KIF7: variants seen among roughly 807,000 people sequenced by gnomAD.
KIF7 encodes the protein kinesin family member 7, also known as kinesin-like protein KIF7.
In KIF7, 104 loss-of-function variants were observed where a neutral mutation model predicts 135.7. That is an observed-to-expected ratio of 0.77 (90% CI 0.65 to 0.90). The LOEUF is 0.90. Among genes scored for constraint, KIF7 ranks in the 40% least tolerant of loss-of-function variants. The probability of loss-of-function intolerance (pLI) is 0.00; values close to 1 mark genes in which losing one functional copy is unlikely to be tolerated. For synonymous variants in KIF7, 883 were observed against 809.4 expected, an observed-to-expected ratio of 1.09 and a Z score of -1.54; for missense variants, 2,005 against 1,839.1, an observed-to-expected ratio of 1.09 and a Z score of -1.65.
rs201341169 is a variant in KIF7 at position 89,633,727 on chromosome 15, G to A, written c.2551C>T (p.Arg851Cys). 4.8e-5 allele frequency: 77 copies of A among 1,608,396 alleles called. 1 individual carries two copies. Among genetic ancestry groups the A allele is most frequent in the Middle Eastern group, 3.5e-4 (2 of 5,778 alleles). Residue 851 changes from arginine (R) to cysteine (C), a missense_variant, in exon 12 of 19, where the codon CGC becomes TGC. Arg to Cys is a radical substitution (Grantham distance 180). Transcript: ENST00000394412. ...CGCTTGCTCATTTCTGCCTCCAGGC[G>A]CCGCTTCTGCTCCGTCTCCTCGCGA... is the stretch of plus-strand genomic sequence containing the variant. ...RLREETEQKR[R>C]LEAEMSKRQH... is the part of the protein sequence containing the mutation.
In KIF7 at chr15:89,630,626, C is replaced by A. The variant is rs4932238; in HGVS notation, c.3112-133G>T. 191 of 756,474 alleles carry A rather than the reference C, an allele frequency of 2.5e-4. 1 individual carries two copies. The East Asian group carries it at 3.9e-3, about 16-fold the overall frequency. 46.9% of individuals were successfully genotyped at this position (756,474 alleles called of 1,614,324 possible). ...CCCTCGTCCCAAGGGCCAAGTCAGC[C>A]CATCGAGAGAGGTGCCCCCTGCTCA... On this transcript the variant is annotated intron_variant, in intron 15 of 18. Transcript: ENST00000394412.
chr15:89,643,154 G>A (rs774310107), intron 10 of KIF7, among the ~76,000 whole-genome samples: 47 of 152,056 alleles, frequency 3.1e-4, no homozygotes, highest in Non-Finnish European at 6.5e-4. Context: ...AAATACAGTC[G>A]GCCCTCTGCA....
In KIF7 at chr15:89,649,852, G is replaced by A. The variant is rs756117745; in HGVS notation, c.418C>T (p.Leu140=). 1.3e-6 allele frequency: 2 copies of A among 1,551,834 alleles called. No individual in the cohort carries two copies. The highest frequency in any genetic ancestry group is 1.7e-6 in the Non-Finnish European group (2 of 1,147,020). ...ACTTCCAGGTAGGACACATGTACCA[G>A]ACAGTCAAGCAGGTCGTTCTCATCG... is the stretch of plus-strand genomic sequence containing the variant. The part of the protein sequence containing the change: ...LIDENDLLDC[L]VHVSYLEVYK... Residue 140 remains leucine, a synonymous_variant, in exon 3 of 19, where the codon CTG becomes TTG. Coordinates refer to ENST00000394412, the MANE Select transcript of KIF7 (RefSeq NM_198525.3).
rs1468997349 is a variant in KIF7, at chr15:89,629,179, AGGGCTGTGGGGGTGG to A, written c.3518-72_3518-58del. The A allele has an allele frequency of 1.6e-5, 15 of 938,918 alleles. No individual in the cohort carries two copies. The Admixed American group carries it at 1.7e-4, about 11-fold the overall frequency. 58.2% of individuals were successfully genotyped at this position (938,918 alleles called of 1,614,324 possible). On this transcript the variant is annotated intron_variant, in intron 17 of 18. Transcript: ENST00000394412. ...AGGGCTGCAGGCGGGGCAGGCGGCC[AGGGCTGTGGGGGTGG>A]GGGCTGTGGGCTGGGTGGGGGCCGG...
Position 89,645,387 on chromosome 15 carries a change from C to T in KIF7, c.1987G>A (p.Gly663Ser), listed in dbSNP as rs1412180728. 1 of 1,614,122 alleles carries T rather than the reference C, an allele frequency of 6.2e-7. No individual in the cohort carries two copies. The highest frequency in any genetic ancestry group is 8.5e-7 in the Non-Finnish European group (1 of 1,179,980). ...ARPGSLPERK[G>S]PELCLEELDA... ...AACTCCTCAAGGCAAAGCTCTGGGC[C>T]CTTCCTCTCTGGCAGACTCCCTGGG... The change falls in exon 9 of 19, where the codon GGC (glycine) becomes AGC (serine). Residue 663 changes from glycine (G) to serine (S), a missense_variant. By Grantham distance (56) the Gly-to-Ser change is moderately conservative. Transcript: ENST00000394412.
intron 1 of KIF7, chr15:89,621,512 A>G (rs912258568): frequency 4.3e-6 from 7 of 1,613,896 alleles, no homozygotes; most frequent in African/African-American, 4.0e-5. Flanking sequence ...AAAGCGTTCA[A>G]GAAACACTTT....
At position 89,648,517 on chromosome 15, in the gene KIF7, G is replaced by A; in HGVS notation, c.1181C>T (p.Pro394Leu). 3.7e-6 allele frequency: 4 copies of A among 1,089,108 alleles called. No individual in the cohort carries two copies. The highest frequency in any genetic ancestry group is 4.5e-6 in the Non-Finnish European group (4 of 895,662). 67.5% of individuals were successfully genotyped at this position (1,089,108 alleles called of 1,614,324 possible). A position where few individuals can be genotyped will look rare whatever the true frequency, so the allele number is the denominator to read the frequency against. ...GGCGGCCGCCGCGGAGGCGGTGGCTGGGCCTGGGGCGCGCCGGCCGCGGTG... is the reference window on the plus strand; with the variant it reads ...GGCGGCCGCCGCGGAGGCGGTGGCTAGGCCTGGGGCGCGCCGGCCGCGGTG... Reference protein sequence around the residue: ...IIHRGRRAPGPATASAAAAMR... With the variant: ...IIHRGRRAPGLATASAAAAMR... Residue 394 changes from proline to leucine, a missense_variant, in exon 5 of 19, where the codon CCA (proline) becomes CTA (leucine). Pro to Leu is a moderately conservative substitution (Grantham distance 98). Coordinates refer to ENST00000394412, the MANE Select transcript of KIF7 (RefSeq NM_198525.3).
At chr15:89,653,720 G>A (rs1281900011) in intron 1 of KIF7, among the ~76,000 whole-genome samples, 1 of 152,014 alleles carries the variant, frequency 6.6e-6, no homozygotes. Flanking sequence ...CGGGACCACA[G>A]ACATGTACCT....
chr15:89,621,384 G>A (rs1171250758), intron 1 of KIF7: 1 of 1,588,556 alleles, frequency 6.3e-7, no homozygotes, highest in East Asian at 2.2e-5. Context: ...TGCTGTTTTT[G>A]ACTTGCAGAC....
In KIF7 at chr15:89,649,219, C is replaced by T. The variant is rs1029167779; in HGVS notation, c.678G>A (p.Glu226=). The T allele has an allele frequency of 1.9e-5, 30 of 1,546,298 alleles. No homozygotes were observed. The highest frequency in any genetic ancestry group is 2.4e-5 in the Non-Finnish European group (27 of 1,145,390). Residue 226 remains glutamate (E), a synonymous_variant, in exon 4 of 19, where the codon GAG becomes GAA. Coordinates refer to ENST00000394412, the MANE Select transcript of KIF7 (RefSeq NM_198525.3). ...GGCGGCTGGGGGCGCGCCCCCGCTG[C>T]TCCAGGGTCACGGTGAAGACCGTGT... The part of the protein sequence containing the change: ...RSHTVFTVTL[E]QRGRAPSRLP...
Position 89,648,247 on chromosome 15 carries a change from T to A in KIF7, c.1443+8A>T. On this transcript the variant is annotated splice_region_variant and intron_variant, in intron 5 of 18. Coordinates refer to ENST00000394412, the MANE Select transcript of KIF7 (RefSeq NM_198525.3). The stretch of plus-strand genomic sequence containing the variant: ...CACAACCACAACCACAACCTGTCCC[T>A]CGGCCACCTTTCGCCCGCCGGCCCC... 1 of 1,510,518 alleles carries A rather than the reference T, an allele frequency of 6.6e-7. No homozygotes were observed. The highest frequency in any genetic ancestry group is 8.8e-7 in the Non-Finnish European group (1 of 1,131,158). 93.6% of individuals were successfully genotyped at this position (1,510,518 alleles called of 1,614,324 possible).
At chr15:89,626,996 T>A (rs1433773004), downstream of KIF7, 1 of 1,614,046 alleles carries the variant, frequency 6.2e-7, no homozygotes, top group Non-Finnish European at 8.5e-7. Context: ...TAGAAGACTC[T>A]CCTTTCAGTC....
At chr15:89,660,277 C>T (rs1964245225), upstream of KIF7, among the ~76,000 whole-genome samples, 1 of 152,238 alleles carries the variant, frequency 6.6e-6, no homozygotes, top group African/African-American at 2.4e-5. Context: ...TTACCCCCAT[C>T]CCTGGGATCT....
intron 11 of KIF7, among the ~76,000 whole-genome samples, chr15:89,634,334 C>T (rs1049748252): frequency 5.3e-5 from 8 of 152,208 alleles, no homozygotes; most frequent in African/African-American, 1.7e-4. Context: ...CCAAGATGGC[C>T]GAATAGGAAC....
At chr15:89,653,887 G>A (rs1964164888) in intron 1 of KIF7, among the ~76,000 whole-genome samples, 1 of 152,178 alleles carries the variant, frequency 6.6e-6, no homozygotes, top group East Asian at 1.9e-4. Flanking sequence ...CAGCCACTGC[G>A]CCTCAGAGGC....
rs1393720023 is a variant in KIF7 at position 89,621,832 on chromosome 15, T to C, written c.181-3637A>G. ...CTGTTTATATTATATACTGCACAGATACCTTTCTGGAGTGTGTGACACTCA... is the reference window on the plus strand; with the variant it reads ...CTGTTTATATTATATACTGCACAGACACCTTTCTGGAGTGTGTGACACTCA... On this transcript the variant is annotated intron_variant and NMD_transcript_variant, in intron 1 of 2. Transcript: ENST00000558928. 2.0e-5 allele frequency among the ~76,000 whole-genome samples: 3 copies of C among 152,140 alleles called. No individual in the cohort carries two copies. The East Asian group carries it at 5.8e-4, about 29-fold the overall frequency.
At chr15:89,660,058 C>T (rs537590233), upstream of KIF7, among the ~76,000 whole-genome samples, 63 of 152,210 alleles carry the variant, frequency 4.1e-4, no homozygotes, top group African/African-American at 1.4e-3. Flanking sequence ...TTTAGCCTGG[C>T]GTGGTGGCGA....
At position 89,631,624 on chromosome 15, in the gene KIF7, C is replaced by T; in HGVS notation, c.2982G>A (p.Gln994=). The T allele has an allele frequency of 1.3e-6, 2 of 1,561,190 alleles. No homozygotes were observed. Among genetic ancestry groups the T allele is most frequent in the South Asian group, 1.2e-5 (1 of 85,112 alleles). Residue 994 remains glutamine, a synonymous_variant, in exon 15 of 19, where the codon CAG becomes CAA. Transcript: ENST00000394412. ...TCTGCTGCTGGCTCTGGGCGCTGCC[C>T]TGCCGCAGCTGCCCGCTCTTCTCGG... ...ELSEKSGQLR[Q]GSAQSQQQIR...
rs1282769058 is a variant in KIF7, at chr15:89,645,445, C to A, written c.1929G>T (p.Arg643Ser). ...CCGCCCTCTGACTGCAGTTGCTGAT[C>A]CTATTTCTGGAGGACAGAAGCAGGA... ...PRRTLHLRRN[R>S]ISNCSQRAGA... Residue 643 changes from arginine to serine, a missense_variant, in exon 9 of 19, where the codon AGG (arginine) becomes AGT (serine). By Grantham distance (110) the Arg-to-Ser change is moderately radical (BLOSUM62 -1). Transcript: ENST00000394412. 6.2e-7 allele frequency: 1 copy of A among 1,611,936 alleles called. No individual in the cohort carries two copies. Among genetic ancestry groups the A allele is most frequent in the South Asian group, 1.1e-5 (1 of 90,720 alleles).
Sources: gnomAD v4.1 joint callset for allele counts (sites outside exome capture counted in the v4.1 genomes callset) on GRCh38, gnomAD v4.1.1 for gene constraint, MANE v1.5 for transcripts, NCBI Gene and HGNC (gene_info 2026-07-23, HGNC 2026-07-21) for gene names.